SLC6A11: variants seen among roughly 807,000 people sequenced by gnomAD.
SLC6A11 encodes solute carrier family 6 member 11, also known as sodium- and chloride-dependent GABA transporter 3.
In SLC6A11, 25 loss-of-function variants were observed where a neutral mutation model predicts 74.8. The observed-to-expected ratio is 0.33, with a 90% CI of 0.24 to 0.47. The LOEUF (loss-of-function observed/expected upper bound fraction) is 0.47. Among genes scored for constraint, SLC6A11 ranks in the 20% least tolerant of loss-of-function variants. The probability of loss-of-function intolerance (pLI) is 1.00; values close to 1 mark genes in which losing one functional copy is unlikely to be tolerated. For missense variants in SLC6A11, 574 were observed against 837.0 expected, an observed-to-expected ratio of 0.69 and a Z score of 3.88; for synonymous variants, 330 against 330.2, an observed-to-expected ratio of 1.00 and a Z score of 0.01.
intron 4 of SLC6A11, among the ~76,000 whole-genome samples, chr3:10,829,530 C>T (rs1220778573): frequency 3.9e-5 from 6 of 152,186 alleles, no homozygotes; most frequent in Admixed American, 3.9e-4. Context: ...CTGGCCCCAC[C>T]ATACCCCCAA....
At chr3:10,933,741 C>A (rs1324122331) in intron 11 of SLC6A11, among the ~76,000 whole-genome samples, 9 of 152,190 alleles carry the variant, frequency 5.9e-5, no homozygotes, top group Non-Finnish European at 2.9e-5. Flanking sequence ...CCCTGCCAGG[C>A]CCCTGCCTTC....
chr3:10,934,546 C>T (rs902292164), intron 12 of SLC6A11, among the ~76,000 whole-genome samples: 2 of 152,222 alleles, frequency 1.3e-5, no homozygotes, highest in African/African-American at 4.8e-5. Flanking sequence ...GGGGTTCATG[C>T]TCTGCCTGAG....
At chr3:10,875,341 G>A (rs1329114802) in intron 6 of SLC6A11, among the ~76,000 whole-genome samples, 2 of 152,158 alleles carry the variant, frequency 1.3e-5, no homozygotes, top group Non-Finnish European at 2.9e-5. Flanking sequence ...ATTTTAAAAC[G>A]AGGACATTAC....
intron 4 of SLC6A11, among the ~76,000 whole-genome samples, chr3:10,827,738 A>G (rs1224538774): frequency 6.6e-6 from 1 of 152,260 alleles, no homozygotes; most frequent in Non-Finnish European, 1.5e-5. Context: ...CTAGAAGCAG[A>G]GTTGAGACAA....
intron 6 of SLC6A11, among the ~76,000 whole-genome samples, chr3:10,907,539 A>G (rs1431520375): frequency 1.3e-5 from 2 of 152,360 alleles, no homozygotes; most frequent in East Asian, 3.9e-4. Context: ...CTGAAAAAAT[A>G]TACCATGAGC....
chr3:10,896,102 G>T (rs575517172), intron 6 of SLC6A11, among the ~76,000 whole-genome samples: 7 of 152,378 alleles, frequency 4.6e-5, no homozygotes, highest in African/African-American at 1.7e-4. Context: ...TGCAGTGAAG[G>T]CTGGGCAGGG....
chr3:10,831,196 T>C (rs1338166189), intron 4 of SLC6A11, among the ~76,000 whole-genome samples: 1 of 152,140 alleles, frequency 6.6e-6, no homozygotes, highest in African/African-American at 2.4e-5. Flanking sequence ...CCATTTTTTT[T>C]TCTAAACAAC....
chr3:10,925,201 A>G (rs1695587288), intron 8 of SLC6A11, among the ~76,000 whole-genome samples: 1 of 152,236 alleles, frequency 6.6e-6, no homozygotes, highest in East Asian at 1.9e-4. Flanking sequence ...TTATACCTTA[A>G]TGAAGCTGCT....
intron 9 of SLC6A11, 21 bp from the exon 10 acceptor site, chr3:10,929,181 C>T (rs759477227): frequency 1.2e-6 from 2 of 1,612,552 alleles, no homozygotes; most frequent in South Asian, 1.1e-5. Context: ...GAGTTTCACA[C>T]CATCATATCT....
chr3:10,873,991 C>CGCTACGCTACGCTATGCTAT lies in SLC6A11; in HGVS notation c.757-966_757-965insCGCTACGCTATGCTATGCTA, dbSNP rs1553671319. ...TGCTATGCTACGCTACGCTACGCTACGCTATGCTATGCTATGCTATGCTAT... is the reference window on the plus strand; with the variant it reads ...TGCTATGCTACGCTACGCTACGCTACGCTACGCTACGCTATGCTATGCTATGCTATGCTATGCTATGCTAT... On this transcript the variant is annotated intron_variant, in intron 5 of 13. Transcript: ENST00000254488. 7.7e-3 allele frequency among the ~76,000 whole-genome samples: 1,057 copies of CGCTACGCTACGCTATGCTAT among 136,458 alleles called. 48 individuals are homozygous for CGCTACGCTACGCTATGCTAT. In the South Asian group the frequency reaches 0.088, roughly 11 times the overall value. 89.5% of individuals were successfully genotyped at this position (136,458 alleles called of 152,430 possible). A position where few individuals can be genotyped will look rare whatever the true frequency, so the allele number is the denominator to read the frequency against.
chr3:10,839,704 C>T (rs750434736), intron 4 of SLC6A11, among the ~76,000 whole-genome samples: 9 of 152,218 alleles, frequency 5.9e-5, no homozygotes, highest in African/African-American at 1.2e-4. Context: ...GGGTGGCATT[C>T]GGAGACCCAG....
intron 4 of SLC6A11, among the ~76,000 whole-genome samples, chr3:10,840,517 G>A (rs555578143): frequency 3.3e-5 from 5 of 152,214 alleles, no homozygotes; most frequent in African/African-American, 1.2e-4. Context: ...GCTTAGCTCT[G>A]TGTCTGGCAC....
At chr3:10,904,141 A>G (rs1196627463) in intron 6 of SLC6A11, among the ~76,000 whole-genome samples, 1 of 152,228 alleles carries the variant, frequency 6.6e-6, no homozygotes, top group Non-Finnish European at 1.5e-5. Flanking sequence ...TGTGCTGAGT[A>G]TCCATCATGA....
chr3:10,892,466 A>G (rs1371261214), intron 6 of SLC6A11, among the ~76,000 whole-genome samples: 1 of 152,072 alleles, frequency 6.6e-6, no homozygotes, highest in South Asian at 2.1e-4. Flanking sequence ...GCTAAGAATC[A>G]GGAAACCCAG....
At chr3:10,935,374 G>C in intron 13 of SLC6A11, 175 bp downstream of exon 13, 1 of 608,198 alleles carries the variant, frequency 1.6e-6, no homozygotes, top group Middle Eastern at 4.5e-4. Context: ...AGGTGTCTCT[G>C]TGAAGTCTTT....
intron 5 of SLC6A11, among the ~76,000 whole-genome samples, chr3:10,846,903 C>T (rs534464603): frequency 3.9e-4 from 59 of 152,290 alleles, no homozygotes; most frequent in African/African-American, 1.2e-3. Context: ...CCTGGACTCT[C>T]GATTAAGATG....
chr3:10,829,338 T>G (rs1011734972), intron 4 of SLC6A11, among the ~76,000 whole-genome samples: 3 of 152,196 alleles, frequency 2.0e-5, no homozygotes, highest in Non-Finnish European at 2.9e-5. Flanking sequence ...CCTTCCAGCC[T>G]CATCTCTACA....
intron 6 of SLC6A11, among the ~76,000 whole-genome samples, chr3:10,908,542 C>T (rs993692971): frequency 3.3e-5 from 5 of 152,150 alleles, no homozygotes; most frequent in African/African-American, 4.8e-5. Flanking sequence ...CCAACATGCC[C>T]TCTTTCATCT....
In SLC6A11 at chr3:10,923,647, A is replaced by C. The variant is rs377148726; in HGVS notation, c.1121-2357A>C. ...CAAACACCATTGTAATCATGGTTGC[A>C]GGCAAGACCCACCAATGGATACTAA... On this transcript the variant is annotated intron_variant, in intron 8 of 13. Transcript: ENST00000254488. Among the ~76,000 whole-genome samples the C allele has an allele frequency of 2.4e-4, 36 of 152,318 alleles. No individual in the cohort carries two copies. In the South Asian group the frequency reaches 7.3e-3, roughly 31 times the overall value.
Sources: allele counts gnomAD v4.1 joint callset (sites outside exome capture counted in the v4.1 genomes callset), GRCh38; gene constraint gnomAD v4.1.1; transcripts MANE v1.5; gene names NCBI Gene and HGNC (gene_info 2026-07-23, HGNC 2026-07-21).